RAP1GDS1: variants seen among roughly 807,000 people sequenced by gnomAD.
The protein encoded by RAP1GDS1 is RAP1, GTP-GDP dissociation stimulator 1.
Under a neutral mutation model 71.1 loss-of-function variants are expected in RAP1GDS1, and 35 were observed. That is an observed-to-expected ratio of 0.49 (90% CI 0.38 to 0.65). The LOEUF is 0.65. Among genes scored for constraint, RAP1GDS1 ranks in the 30% least tolerant of loss-of-function variants. The probability of loss-of-function intolerance (pLI) is 0.00; values close to 1 mark genes in which losing one functional copy is unlikely to be tolerated. For synonymous variants in RAP1GDS1, 229 were observed against 243.1 expected (o/e 0.94, Z 0.54); for missense variants, 663 against 706.1 (o/e 0.94, Z 0.69).
chr4:98,287,697 T>C lies in RAP1GDS1; in HGVS notation c.5-5711T>C, dbSNP rs115797156. 3.1e-3 allele frequency among the ~76,000 whole-genome samples: 470 copies of C among 152,336 alleles called. 1 individual carries two copies. Among genetic ancestry groups the C allele is most frequent in the African/African-American group, 0.011 (451 of 41,592 alleles). The stretch of plus-strand genomic sequence containing the variant: ...AGCTCTTTTGTTTCTCTTCAAATAT[T>C]AGAAATATTTCTAATTATCCAAGTA... On this transcript the variant is annotated intron_variant, in intron 1 of 14. Transcript: ENST00000408927.
At chr4:98,284,815 G>T (rs1413149134) in intron 1 of RAP1GDS1, among the ~76,000 whole-genome samples, 1 of 152,094 alleles carries the variant, frequency 6.6e-6, no homozygotes, top group African/African-American at 2.4e-5. Context: ...TTGTAGAAAG[G>T]TCCCAAGTCT....
intron 11 of RAP1GDS1, among the ~76,000 whole-genome samples, 168 bp from the exon 12 acceptor site, chr4:98,421,087 A>G (rs1316775492): frequency 6.6e-6 from 1 of 152,238 alleles, no homozygotes; most frequent in African/African-American, 2.4e-5. Context: ...ACAGTGTTAC[A>G]GAAGAAGGCA....
chr4:98,436,853 G>T (rs920635332), intron 13 of RAP1GDS1, 87 bp from the exon 14 acceptor site: 2 of 1,322,308 alleles, frequency 1.5e-6, no homozygotes, highest in East Asian at 5.1e-5. Context: ...AGAAGGTTTC[G>T]TATGGTCAAT....
At chr4:98,319,740 C>T (rs1037179953) in intron 2 of RAP1GDS1, among the ~76,000 whole-genome samples, 16 of 149,162 alleles carry the variant, frequency 1.1e-4, no homozygotes, top group Middle Eastern at 3.5e-3. Flanking sequence ...AAAATCATGC[C>T]ACTGCCCTCC....
Position 98,307,152 on chromosome 4 carries a change from T to C in RAP1GDS1, c.112+13637T>C, listed in dbSNP as rs555433965. ...TATTTTTTTTTTAGATAATCAATTT[T>C]CCTAATACAATGTGTTGTTTAATCT... On this transcript the variant is annotated intron_variant, in intron 2 of 14. Transcript: ENST00000408927. Among the ~76,000 whole-genome samples the C allele has an allele frequency of 2.6e-5, 4 of 152,104 alleles. No homozygotes were observed. In the South Asian group the frequency reaches 8.3e-4, roughly 32 times the overall value.
chr4:98,318,580 A>T (rs1234219836), intron 2 of RAP1GDS1, among the ~76,000 whole-genome samples: 1 of 152,182 alleles, frequency 6.6e-6, no homozygotes, highest in Non-Finnish European at 1.5e-5. Flanking sequence ...GAGATGAATA[A>T]TGTAGGCATT....
intron 1 of RAP1GDS1, among the ~76,000 whole-genome samples, chr4:98,286,112 A>T (rs1334138270): frequency 6.6e-6 from 1 of 151,602 alleles, no homozygotes; most frequent in Non-Finnish European, 1.5e-5. Context: ...CCAAAAAAAT[A>T]AAATTAGCTG....
At chr4:98,412,281 G>A (rs907723027) in intron 7 of RAP1GDS1, among the ~76,000 whole-genome samples, 5 of 152,170 alleles carry the variant, frequency 3.3e-5, no homozygotes, top group Non-Finnish European at 7.3e-5. Context: ...GGGAGGCCAA[G>A]GCAGGAAGAT....
At chr4:98,420,822 G>A (rs1303603600) in intron 11 of RAP1GDS1, among the ~76,000 whole-genome samples, 2 of 152,122 alleles carry the variant, frequency 1.3e-5, no homozygotes, top group Non-Finnish European at 2.9e-5. Context: ...TCATTATTGT[G>A]ACAGTCAAAA....
chr4:98,283,710 T>G (rs1725545954), intron 1 of RAP1GDS1, among the ~76,000 whole-genome samples: 1 of 152,090 alleles, frequency 6.6e-6, no homozygotes, highest in Non-Finnish European at 1.5e-5. Context: ...TTTTCTAGAA[T>G]TTATTATTTA....
intron 6 of RAP1GDS1, among the ~76,000 whole-genome samples, chr4:98,402,466 C>G (rs60502057): frequency 6.6e-6 from 1 of 151,988 alleles, no homozygotes; most frequent in African/African-American, 2.4e-5. Context: ...GAAAAGACAC[C>G]CTACCCTTAC....
chr4:98,409,686 T>A (rs1746729586), intron 7 of RAP1GDS1: 1 of 420,832 alleles, frequency 2.4e-6, no homozygotes. Context: ...CTGTTCCACC[T>A]AGAGAAGCGC....
intron 10 of RAP1GDS1, 95 bp from the exon 11 acceptor site, chr4:98,419,924 G>A (rs1206439518): frequency 4.2e-6 from 5 of 1,190,124 alleles, no homozygotes; most frequent in Admixed American, 2.9e-5. Flanking sequence ...AATAAAACAT[G>A]GATCTTAAAG....
intron 6 of RAP1GDS1, 80 bp from the exon 7 acceptor site, chr4:98,404,397 C>T (rs1745842469): frequency 7.5e-7 from 1 of 1,329,276 alleles, no homozygotes; most frequent in Non-Finnish European, 1.0e-6. Context: ...AGTAATGGTA[C>T]AAAATAACTA....
intron 4 of RAP1GDS1, among the ~76,000 whole-genome samples, chr4:98,370,156 A>G (rs1450847433): frequency 6.6e-6 from 1 of 152,196 alleles, no homozygotes; most frequent in Non-Finnish European, 1.5e-5. Flanking sequence ...CTCAGGACCT[A>G]GTTCAATGTA....
Position 98,261,587 on chromosome 4 carries a change from C to T in RAP1GDS1, c.4+18C>T. 1 of 1,598,336 alleles carries T rather than the reference C, an allele frequency of 6.3e-7. No homozygotes were observed. The highest frequency in any genetic ancestry group is 8.5e-7 in the Non-Finnish European group (1 of 1,170,366). On this transcript the variant is annotated intron_variant, in intron 1 of 14. Coordinates refer to ENST00000408927, the MANE Select transcript of RAP1GDS1 (RefSeq NM_001100427.2). The stretch of plus-strand genomic sequence containing the variant: ...CAACATGGGTAAGTCATCCTTCCTC[C>T]GCCGTCATCGCCTGACATTTTTTTC...
At chr4:98,386,545 T>G (rs1742789863) in intron 5 of RAP1GDS1, among the ~76,000 whole-genome samples, 1 of 151,328 alleles carries the variant, frequency 6.6e-6, no homozygotes, top group Non-Finnish European at 1.5e-5. Flanking sequence ...GTTTTAAACC[T>G]CCAATATTGT....
At chr4:98,286,092 CTCTG>C (rs1276353460) in intron 1 of RAP1GDS1, among the ~76,000 whole-genome samples, 7 of 151,480 alleles carry the variant, frequency 4.6e-5, no homozygotes, top group South Asian at 2.1e-4. Flanking sequence ...CATAGAAAGA[CTCTG>C]TCTGTCCAAA....
chr4:98,374,116 G>A (rs1578637002), intron 4 of RAP1GDS1, among the ~76,000 whole-genome samples: 2 of 152,106 alleles, frequency 1.3e-5, no homozygotes, highest in South Asian at 2.1e-4. Context: ...GGATGAAGGG[G>A]GACTACTGAC....
Sources: allele counts gnomAD v4.1 joint callset (sites outside exome capture counted in the v4.1 genomes callset), GRCh38; gene constraint gnomAD v4.1.1; transcripts MANE v1.5; gene names NCBI Gene and HGNC (gene_info 2026-07-23, HGNC 2026-07-21).